The following ADHFE1 variants were observed in gnomAD, a reference collection of about 807,000 sequenced individuals.
ADHFE1 encodes the protein hydroxyacid-oxoacid transhydrogenase, mitochondrial.
Under a neutral mutation model 54.8 loss-of-function variants are expected in ADHFE1, and 37 were observed. That is an observed-to-expected ratio of 0.68 (90% CI 0.52 to 0.89). The LOEUF is 0.89. ADHFE1 is among the 40% of genes least tolerant of loss of function. The pLI, the probability that ADHFE1 is intolerant of heterozygous loss-of-function variation, is 0.00. For missense variants in ADHFE1, 601 were observed against 591.2 expected (o/e 1.02, Z -0.17); for synonymous variants, 203 against 229.3 (o/e 0.89, Z 1.04).
In ADHFE1 at chr8:66,451,952, G is replaced by T. The variant is rs1328656362; in HGVS notation, c.735-1G>T. The T allele has an allele frequency of 6.2e-7, 1 of 1,612,966 alleles. No homozygotes were observed. Among genetic ancestry groups the T allele is most frequent in the Admixed American group, 1.7e-5 (1 of 59,672 alleles). ...TGTGTACTTTCAATATTTCTTTTTAGCCATGCCCTGGAGTCATACACCACC... is the reference window on the plus strand; with the variant it reads ...TGTGTACTTTCAATATTTCTTTTTATCCATGCCCTGGAGTCATACACCACC... On this transcript the variant is annotated splice_acceptor_variant, in intron 8 of 13. Transcript: ENST00000396623. LOFTEE classifies it high-confidence loss of function.
chr8:66,465,033 C>T (rs1223401288), intron 13 of ADHFE1, among the ~76,000 whole-genome samples: 1 of 152,192 alleles, frequency 6.6e-6, no homozygotes, highest in African/African-American at 2.4e-5. Flanking sequence ...CACGTTGTAG[C>T]ATGTGTCAGA....
At chr8:66,461,228 C>T (rs1404124327) in intron 13 of ADHFE1, among the ~76,000 whole-genome samples, 2 of 152,156 alleles carry the variant, frequency 1.3e-5, no homozygotes, top group African/African-American at 2.4e-5. Context: ...ACACCATAGT[C>T]GCCATGCCCA....
chr8:66,439,529 G>T lies in ADHFE1; in HGVS notation c.60-633G>T, dbSNP rs1047934270. The stretch of plus-strand genomic sequence containing the variant: ...AGAAGTGAGATGCGGTGGCGACCTC[G>T]GAGCGCACCGGGTGTGCGCGCAGCT... On this transcript the variant is annotated intron_variant, in intron 1 of 13. Transcript: ENST00000396623. This position sits in a 1 kb window ranked among gnomAD's most constrained non-coding sequence, Gnocchi z 4.4. The T allele has an allele frequency of 1.1e-5, 11 of 985,316 alleles. No individual in the cohort carries two copies. The highest frequency in any genetic ancestry group is 3.6e-6 in the Non-Finnish European group (3 of 830,034). The allele number at this position is 985,316 out of a possible 1,614,324, so 61.0% of individuals were successfully genotyped here. A position where few individuals can be genotyped will look rare whatever the true frequency, so the allele number is the denominator to read the frequency against.
At chr8:66,463,727 A>C (rs1563496053) in intron 13 of ADHFE1, among the ~76,000 whole-genome samples, 2 of 152,220 alleles carry the variant, frequency 1.3e-5, no homozygotes, top group Non-Finnish European at 2.9e-5. Context: ...AGGTAGTGAG[A>C]AGAATATACT....
chr8:66,433,235 G>C (rs985467400), intron 1 of ADHFE1, among the ~76,000 whole-genome samples: 15 of 152,210 alleles, frequency 9.9e-5, no homozygotes, highest in Non-Finnish European at 2.2e-4. Flanking sequence ...AAAAGTTTGA[G>C]CTCACAGGTG....
At chr8:66,433,433 C>T (rs6989837) in intron 1 of ADHFE1, among the ~76,000 whole-genome samples, 3,035 of 152,206 alleles carry the variant, frequency 0.02, 42 homozygotes, top group African/African-American at 0.04. Context: ...ACGATGAGCC[C>T]GGCAGTGTCT....
intron 1 of ADHFE1, among the ~76,000 whole-genome samples, chr8:66,437,074 G>A (rs1368072464): frequency 6.6e-6 from 1 of 152,208 alleles, no homozygotes; most frequent in East Asian, 1.9e-4. Context: ...GAGGGAATGG[G>A]AGAAGATAAA....
At chr8:66,444,502 C>T (rs751261144) in intron 4 of ADHFE1, 82 bp downstream of exon 4, 7 of 1,604,626 alleles carry the variant, frequency 4.4e-6, no homozygotes, top group Admixed American at 1.7e-5. Context: ...ACAATCACAT[C>T]CTCTATTTTT....
chr8:66,432,974 T>C (rs1198582303), intron 1 of ADHFE1: 1 of 944,210 alleles, frequency 1.1e-6, no homozygotes, highest in Non-Finnish European at 1.3e-6. Flanking sequence ...GATGAAAGGC[T>C]CTGGAGCAGT....
intron 10 of ADHFE1, among the ~76,000 whole-genome samples, chr8:66,456,567 A>G (rs1227986092): frequency 6.6e-6 from 1 of 152,244 alleles, no homozygotes; most frequent in Admixed American, 6.5e-5. Flanking sequence ...TTCTGGATCA[A>G]TACTTTTTAA....
intron 2 of ADHFE1, among the ~76,000 whole-genome samples, chr8:66,442,087 C>A (rs888605704): frequency 1.3e-5 from 2 of 150,462 alleles, no homozygotes; most frequent in African/African-American, 4.9e-5. Context: ...TTAAAAAAAA[C>A]AATTCAAACA....
At chr8:66,434,593 G>A (rs1444787848) in intron 1 of ADHFE1, among the ~76,000 whole-genome samples, 1 of 152,216 alleles carries the variant, frequency 6.6e-6, no homozygotes, top group African/African-American at 2.4e-5. Context: ...GCATCATTGG[G>A]CACATGTTTC....
At chr8:66,447,580 T>C (rs763661337) in intron 7 of ADHFE1, among the ~76,000 whole-genome samples, 1 of 152,228 alleles carries the variant, frequency 6.6e-6, no homozygotes, top group Non-Finnish European at 1.5e-5. Flanking sequence ...AGAGCCTGAC[T>C]TGATCATCAC....
At chr8:66,453,664 C>T (rs554632716) in intron 9 of ADHFE1, 11 of 1,361,464 alleles carry the variant, frequency 8.1e-6, no homozygotes, top group East Asian at 9.1e-5. Context: ...GAGCGCTGGC[C>T]GGCAGGTAGC....
chr8:66,464,074 G>A (rs1427700884), intron 13 of ADHFE1, among the ~76,000 whole-genome samples: 3 of 152,150 alleles, frequency 2.0e-5, no homozygotes, highest in African/African-American at 7.2e-5. Flanking sequence ...TCCACTCCCT[G>A]GTAGACAGGC....
chr8:66,446,514 C>T (rs533156110), intron 6 of ADHFE1, among the ~76,000 whole-genome samples: 7 of 152,194 alleles, frequency 4.6e-5, no homozygotes, highest in South Asian at 4.1e-4. Context: ...TCATCACACA[C>T]GTGCATGATT....
rs185058092 is a variant in ADHFE1, at chr8:66,439,956, G to A, written c.60-206G>A. On this transcript the variant is annotated intron_variant, in intron 1 of 13. Transcript: ENST00000396623. This position sits in a 1 kb window ranked among gnomAD's most constrained non-coding sequence, Gnocchi z 4.4. ...GAATTCGTGAAAGAATGATGCTACA[G>A]CGCTGGGAAGACGCTGAGTCAACTT... Among the ~76,000 whole-genome samples, 337 of 152,326 alleles carry A rather than the reference G, an allele frequency of 2.2e-3. 1 individual carries two copies. Among genetic ancestry groups the A allele is most frequent in the Admixed American group, 3.7e-3 (57 of 15,300 alleles).
intron 13 of ADHFE1, among the ~76,000 whole-genome samples, chr8:66,461,244 C>T (rs1481357527): frequency 6.6e-6 from 1 of 152,200 alleles, no homozygotes; most frequent in Non-Finnish European, 1.5e-5. Context: ...GCCCAGAATA[C>T]TCCTTTAGTC....
In ADHFE1 at chr8:66,460,291, C is replaced by G; in HGVS notation, c.1163-17C>G. ...TTTCTTCCTCTCTCCCTACAGTCAG[C>G]ACTTTATGTCTTCTAGGAGCCGACA... On this transcript the variant is annotated splice_polypyrimidine_tract_variant and intron_variant, in intron 12 of 13. Transcript: ENST00000396623. 6.2e-7 allele frequency: 1 copy of G among 1,613,630 alleles called. No homozygotes were observed. The highest frequency in any genetic ancestry group is 8.5e-7 in the Non-Finnish European group (1 of 1,179,914).
Sources: gnomAD v4.1 joint callset for allele counts (sites outside exome capture counted in the v4.1 genomes callset) on GRCh38, gnomAD v4.1.1 for gene constraint, Gnocchi (gnomAD v3.1) non-coding constraint, MANE v1.5 for transcripts, NCBI Gene and HGNC (gene_info 2026-07-23, HGNC 2026-07-21) for gene names.